Variants in ITGA11 observed in about 807,000 individuals in gnomAD.
ITGA11 encodes the protein integrin alpha-11.
Under a neutral mutation model 141.9 loss-of-function variants are expected in ITGA11, and 97 were observed. That is an observed-to-expected ratio of 0.68 (90% CI 0.58 to 0.81). The LOEUF (loss-of-function observed/expected upper bound fraction) is 0.81, where lower values mean the gene tolerates loss of function less well. ITGA11 is among the 30% of genes least tolerant of loss of function. The pLI is 0.00. For synonymous variants in ITGA11, 658 were observed against 624.6 expected (o/e 1.05, Z -0.80); for missense variants, 1,387 against 1,559.2 (o/e 0.89, Z 1.86).
intron 7 of ITGA11, 67 bp from the exon 8 acceptor site, chr15:68,351,469 T>A: frequency 6.5e-7 from 1 of 1,541,244 alleles, no homozygotes; most frequent in Non-Finnish European, 8.8e-7. Flanking sequence ...CTGACGCTCC[T>A]GCAGAGGGGC....
chr15:68,364,398 A>G (rs1329750485), intron 4 of ITGA11, among the ~76,000 whole-genome samples: 1 of 152,130 alleles, frequency 6.6e-6, no homozygotes, highest in African/African-American at 2.4e-5. Context: ...TTGGCTATCT[A>G]CATTTATTCT....
At position 68,398,890 on chromosome 15, in the gene ITGA11, A is replaced by G. The variant is rs891364508; in HGVS notation, c.164+4028T>C. The stretch of plus-strand genomic sequence containing the variant: ...GTAAAACTTACACTGAATATTTCAA[A>G]GCATTATTGAGAGAAATTTTTAAAA... On this transcript the variant is annotated intron_variant, in intron 2 of 29. Transcript: ENST00000315757. Among the ~76,000 whole-genome samples the G allele has an allele frequency of 1.3e-4, 20 of 150,558 alleles. 1 individual carries two copies. The highest frequency in any genetic ancestry group is 3.4e-4 in the African/African-American group (14 of 41,242).
At chr15:68,400,047 C>A (rs1401968421) in intron 2 of ITGA11, among the ~76,000 whole-genome samples, 2 of 152,140 alleles carry the variant, frequency 1.3e-5, no homozygotes, top group African/African-American at 2.4e-5. Flanking sequence ...ACCAAAGCAG[C>A]TTTTTGTTTG....
At chr15:68,393,759 G>C (rs1896170176) in intron 2 of ITGA11, among the ~76,000 whole-genome samples, 1 of 152,084 alleles carries the variant, frequency 6.6e-6, no homozygotes, top group African/African-American at 2.4e-5. Flanking sequence ...TCTCAAATGA[G>C]AGCACAGAAT....
intron 2 of ITGA11, among the ~76,000 whole-genome samples, chr15:68,398,762 C>CATAGTATAAAATGAAATGA (rs1342364791): frequency 4.8e-5 from 7 of 145,612 alleles, no homozygotes; most frequent in Admixed American, 6.9e-5. Flanking sequence ...TAACTATATT[C>CATAGTATAAAATGAAATGA]ATAGTATAAA....
chr15:68,403,579 C>T (rs1896564082), intron 1 of ITGA11, among the ~76,000 whole-genome samples: 1 of 151,990 alleles, frequency 6.6e-6, no homozygotes, highest in Non-Finnish European at 1.5e-5. Flanking sequence ...GATTTCTGTA[C>T]AGTCTGCAGA....
intron 1 of ITGA11, among the ~76,000 whole-genome samples, chr15:68,418,313 A>G (rs1032319399): frequency 5.3e-5 from 8 of 152,326 alleles, no homozygotes; most frequent in East Asian, 3.9e-4. Context: ...TAACCTTCCA[A>G]TAAGGGGTTA....
At chr15:68,363,198 G>A (rs561943252) in intron 4 of ITGA11, among the ~76,000 whole-genome samples, 1 of 152,238 alleles carries the variant, frequency 6.6e-6, no homozygotes, top group African/African-American at 2.4e-5. Context: ...TGTTGAGAGG[G>A]GAATGGACAG....
rs1307238467 is a variant in ITGA11, at chr15:68,400,713, TATATATTATATAATAA to T, written c.164+2189_164+2204del. 1.7e-3 allele frequency among the ~76,000 whole-genome samples: 46 copies of T among 26,410 alleles called. 8 individuals carry two copies. Among genetic ancestry groups the T allele is most frequent in the African/African-American group, 7.7e-3 (32 of 4,150 alleles). The allele number at this position is 26,410 out of a possible 152,430, so 17.3% of individuals were successfully genotyped here. A position where few individuals can be genotyped will look rare whatever the true frequency, so the allele number is the denominator to read the frequency against. On this transcript the variant is annotated intron_variant, in intron 2 of 29. Coordinates refer to ENST00000315757, the MANE Select transcript of ITGA11 (RefSeq NM_001004439.2). Reference sequence around the variant, plus strand: ...ATATTATATATTATATAATAAATATTATATATTATATAATAAATATTATATATTATATAATAAATAT... The same window carrying T: ...ATATTATATATTATATAATAAATATTATATTATATATTATATAATAAATAT...
At chr15:68,408,451 C>T (rs1387411270) in intron 1 of ITGA11, among the ~76,000 whole-genome samples, 3 of 152,116 alleles carry the variant, frequency 2.0e-5, no homozygotes, top group African/African-American at 4.8e-5. Flanking sequence ...GGTCTGTTTG[C>T]TACTCATTGT....
intron 26 of ITGA11, among the ~76,000 whole-genome samples, chr15:68,309,860 C>T (rs1223273283): frequency 2.0e-5 from 3 of 152,124 alleles, no homozygotes; most frequent in Non-Finnish European, 4.4e-5. Flanking sequence ...GCCTCGGCCT[C>T]CCAAAGTGCT....
At position 68,303,536 on chromosome 15, in the gene ITGA11, T is replaced by C. The variant is rs376589960; in HGVS notation, c.3495+236A>G. On this transcript the variant is annotated intron_variant, in intron 29 of 29. Coordinates refer to ENST00000315757, the MANE Select transcript of ITGA11 (RefSeq NM_001004439.2). The surrounding 1 kb of genome is among the most constrained non-coding windows in gnomAD (Gnocchi z 5.3). ...TGTTTGTACTTGCTTTTTTTTTTTTTCTCTAATAATAGGAACCTTAGTTTT... is the reference window on the plus strand; with the variant it reads ...TGTTTGTACTTGCTTTTTTTTTTTTCCTCTAATAATAGGAACCTTAGTTTT... Among the ~76,000 whole-genome samples, 15 of 151,858 alleles carry C rather than the reference T, an allele frequency of 9.9e-5. No individual in the cohort carries two copies. The East Asian group carries it at 1.5e-3, about 16-fold the overall frequency.
chr15:68,326,821 C>A lies in ITGA11; in HGVS notation c.2069-25G>T. 1 of 1,564,490 alleles carries A rather than the reference C, an allele frequency of 6.4e-7. No individual in the cohort carries two copies. The highest frequency in any genetic ancestry group is 8.7e-7 in the Non-Finnish European group (1 of 1,153,810). On this transcript the variant is annotated intron_variant, in intron 16 of 29. Transcript: ENST00000315757. This position sits in a 1 kb window ranked among gnomAD's most constrained non-coding sequence, Gnocchi z 6.8. Reference sequence around the variant, plus strand: ...CCTGCAGGAGGGGAGAGGGCAAGACCACAAAGGTGGAGCCACATGCCCATC... The same window carrying A: ...CCTGCAGGAGGGGAGAGGGCAAGACAACAAAGGTGGAGCCACATGCCCATC...
At chr15:68,366,326 G>C (rs993932118) in intron 3 of ITGA11, among the ~76,000 whole-genome samples, 1 of 152,028 alleles carries the variant, frequency 6.6e-6, no homozygotes, top group South Asian at 2.1e-4. Context: ...GTGTAGAGAG[G>C]GTTAGTGACT....
chr15:68,340,002 T>C (rs564744502), intron 10 of ITGA11, among the ~76,000 whole-genome samples: 4 of 152,230 alleles, frequency 2.6e-5, no homozygotes, highest in African/African-American at 9.6e-5. Flanking sequence ...CCTTCTGACA[T>C]GTATTGAAGG....
At chr15:68,374,530 T>TGAC in intron 2 of ITGA11, among the ~76,000 whole-genome samples, 1 of 152,186 alleles carries the variant, frequency 6.6e-6, no homozygotes, top group Non-Finnish European at 1.5e-5. Flanking sequence ...AGGGTGGTGC[T>TGAC]TCCCCCAAGC....
chr15:68,371,745 C>G (rs115015391), intron 2 of ITGA11, among the ~76,000 whole-genome samples: 18 of 151,906 alleles, frequency 1.2e-4, no homozygotes, highest in Non-Finnish European at 2.5e-4. Context: ...AGAAAGGCAC[C>G]GAGAAACAGA....
chr15:68,358,714 C>T, intron 5 of ITGA11, 129 bp from the exon 6 acceptor site: 3 of 1,057,822 alleles, frequency 2.8e-6, no homozygotes, highest in Non-Finnish European at 4.0e-6. Context: ...GGCTGGGAAA[C>T]TGTCCTTGGG....
chr15:68,386,367 T>TC (rs754378990), intron 2 of ITGA11, among the ~76,000 whole-genome samples: 34 of 152,222 alleles, frequency 2.2e-4, no homozygotes, highest in Admixed American at 1.4e-3. Context: ...TCGCAGTCCA[T>TC]CCTCAGGACA....
Sources: gnomAD v4.1 joint callset for allele counts (sites outside exome capture counted in the v4.1 genomes callset) on GRCh38, gnomAD v4.1.1 for gene constraint, Gnocchi (gnomAD v3.1) non-coding constraint, MANE v1.5 for transcripts, NCBI Gene and HGNC (gene_info 2026-07-23, HGNC 2026-07-21) for gene names.